The following IGFL2 variants were observed in gnomAD, a reference collection of about 807,000 sequenced individuals.
IGFL2 encodes IGF like family member 2.
IGFL2 carries 7 observed loss-of-function variants against 13.9 expected under a neutral mutation model. The observed-to-expected ratio is 0.51, with a 90% CI of 0.29 to 0.95. IGFL2 has a LOEUF of 0.95. Ranked by LOEUF, IGFL2 falls within the 40% of genes least tolerant of loss-of-function variation. The probability of loss-of-function intolerance (pLI) is 0.08; values close to 1 mark genes in which losing one functional copy is unlikely to be tolerated. For synonymous variants in IGFL2, 55 were observed against 55.8 expected (o/e 0.99, Z 0.07); for missense variants, 138 against 147.8 (o/e 0.93, Z 0.34).
the IGFL2 span, among the ~76,000 whole-genome samples, chr19:46,184,720 TG>T: frequency 6.6e-6 from 1 of 152,234 alleles, no homozygotes; most frequent in Non-Finnish European, 1.5e-5. Context: ...TAAACATACA[TG>T]TGCATGTGTG....
At chr19:46,132,873 G>C in the IGFL2 span, among the ~76,000 whole-genome samples, 1 of 152,176 alleles carries the variant, frequency 6.6e-6, no homozygotes, top group Non-Finnish European at 1.5e-5. Flanking sequence ...ATCAGATCCA[G>C]GTAGTCAACG....
At chr19:46,162,951 AT>A (rs1974231718), downstream of IGFL2, among the ~76,000 whole-genome samples, 1 of 152,162 alleles carries the variant, frequency 6.6e-6, no homozygotes, top group Admixed American at 6.5e-5. Flanking sequence ...CACAGTGTAG[AT>A]TAAGTACAGT....
the IGFL2 span, among the ~76,000 whole-genome samples, chr19:46,134,655 A>G: frequency 6.6e-6 from 1 of 152,170 alleles, no homozygotes; most frequent in Admixed American, 6.6e-5. Flanking sequence ...ACAGTTCACA[A>G]TAGGGTTCAT....
intron 1 of IGFL2, among the ~76,000 whole-genome samples, chr19:46,149,252 T>G: frequency 7.1e-6 from 1 of 141,246 alleles, no homozygotes; most frequent in African/African-American, 2.7e-5. Context: ...CTCTCTCTCT[T>G]TCTCTTTCCC....
At chr19:46,204,139 G>T in the IGFL2 span, 2 of 152,156 alleles carry the variant, frequency 1.3e-5, no homozygotes, top group South Asian at 2.1e-4. Flanking sequence ...AGCCCTTTCC[G>T]TGCTTGTTCC....
the IGFL2 span, among the ~76,000 whole-genome samples, chr19:46,103,453 G>T: frequency 2.6e-5 from 4 of 152,282 alleles, no homozygotes; most frequent in East Asian, 5.8e-4. Flanking sequence ...GAGTGTAAAA[G>T]TAAAGAATAG....
chr19:46,199,219 G>A, the IGFL2 span, among the ~76,000 whole-genome samples: 4 of 152,250 alleles, frequency 2.6e-5, no homozygotes, highest in Non-Finnish European at 4.4e-5. Flanking sequence ...TCCTCGGACC[G>A]TGTCTTGCTT....
the IGFL2 span, chr19:46,212,226 C>T: frequency 1.3e-5 from 2 of 152,224 alleles, no homozygotes; most frequent in African/African-American, 2.4e-5. Context: ...TGCTCTTCCC[C>T]TGGGGAAGGT....
the IGFL2 span, among the ~76,000 whole-genome samples, chr19:46,117,788 T>C: frequency 2.6e-5 from 4 of 152,188 alleles, no homozygotes; most frequent in Non-Finnish European, 5.9e-5. Flanking sequence ...CTACCATCTG[T>C]TCATTTTTAA....
At chr19:46,099,139 G>A in the IGFL2 span, among the ~76,000 whole-genome samples, 1 of 152,202 alleles carries the variant, frequency 6.6e-6, no homozygotes, top group Non-Finnish European at 1.5e-5. Context: ...TAAGAATGAT[G>A]AATATTGGCC....
upstream of IGFL2, among the ~76,000 whole-genome samples, chr19:46,140,441 G>T: frequency 6.6e-6 from 1 of 152,122 alleles, no homozygotes; most frequent in East Asian, 1.9e-4. Context: ...TACTCAGGAG[G>T]CTAAGGTGGG....
the IGFL2 span, chr19:46,112,174 A>G: frequency 6.6e-6 from 1 of 152,248 alleles, no homozygotes; most frequent in Non-Finnish European, 1.5e-5. Flanking sequence ...ATTTCCAATA[A>G]TAGTAATTCA....
the IGFL2 span, among the ~76,000 whole-genome samples, chr19:46,166,469 A>G: frequency 6.6e-6 from 1 of 152,222 alleles, no homozygotes; most frequent in Non-Finnish European, 1.5e-5. Context: ...ACAGGGCCAC[A>G]GGACTGAGGC....
At chr19:46,091,061 T>G in the IGFL2 span, among the ~76,000 whole-genome samples, 1 of 152,200 alleles carries the variant, frequency 6.6e-6, no homozygotes, top group Non-Finnish European at 1.5e-5. Flanking sequence ...CTTTTCTTAT[T>G]ATGCTATAAC....
chr19:46,103,260 C>CTTTT, the IGFL2 span, among the ~76,000 whole-genome samples: 1 of 150,514 alleles, frequency 6.6e-6, no homozygotes, highest in African/African-American at 2.4e-5. Context: ...ACAGAGTCCC[C>CTTTT]TTTTTTTTTA....
the IGFL2 span, chr19:46,113,613 T>A: frequency 7.1e-6 from 2 of 282,350 alleles, no homozygotes; most frequent in Admixed American, 8.0e-5. Flanking sequence ...GCTCCACTGA[T>A]GTCTATAGAG....
upstream of IGFL2, among the ~76,000 whole-genome samples, chr19:46,141,941 C>T (rs752529262): frequency 6.6e-6 from 1 of 152,164 alleles, no homozygotes; most frequent in Non-Finnish European, 1.5e-5. Context: ...CCTTTTACCT[C>T]ACCCCTCCCT....
intron 1 of IGFL2, 37 bp from the exon 2 acceptor site, chr19:46,160,377 TC>T (rs751326381): frequency 2.6e-5 from 41 of 1,591,460 alleles, no homozygotes; most frequent in Non-Finnish European, 3.1e-5. Flanking sequence ...TGGCCACACT[TC>T]CAGCCCCATC....
chr19:46,166,601 A>G, the IGFL2 span, among the ~76,000 whole-genome samples: 1 of 152,194 alleles, frequency 6.6e-6, no homozygotes, highest in Admixed American at 6.5e-5. Flanking sequence ...TCCTCTTCCT[A>G]ATAAGCCTGG....
Sources: allele counts gnomAD v4.1 joint callset (sites outside exome capture counted in the v4.1 genomes callset), GRCh38; gene constraint gnomAD v4.1.1; transcripts MANE v1.5; gene names NCBI Gene and HGNC (gene_info 2026-07-23, HGNC 2026-07-21).